The following FGFR2 variants were observed in gnomAD, a reference collection of about 807,000 sequenced individuals.
FGFR2 encodes BEK fibroblast growth factor receptor.
In FGFR2, 19 loss-of-function variants were observed where a neutral mutation model predicts 95.9. The ratio of observed to expected loss-of-function variants is 0.20; its 90% CI spans 0.14 to 0.29. The LOEUF is 0.29. Ranked by LOEUF, FGFR2 falls within the 10% of genes least tolerant of loss-of-function variation. The pLI is 1.00. For synonymous variants in FGFR2, 392 were observed against 393.3 expected (o/e 1.00, Z 0.04); for missense variants, 707 against 1,056.9 (o/e 0.67, Z 4.59).
chr10:121,487,951 AC>A (rs1263328104), intron 14 of FGFR2, 39 bp downstream of exon 14: 1 of 1,612,908 alleles, frequency 6.2e-7, no homozygotes, highest in South Asian at 1.1e-5. Flanking sequence ...TCTGAGCCTC[AC>A]CCCCGCCCCT....
intron 6 of FGFR2, among the ~76,000 whole-genome samples, chr10:121,524,746 C>T (rs981334552): frequency 1.3e-5 from 2 of 152,182 alleles, no homozygotes; most frequent in African/African-American, 2.4e-5. Context: ...AGAGTGGGGG[C>T]CCCCTTCGTG....
Position 121,508,071 on chromosome 10 carries a change from T to C in FGFR2, c.1288-4130A>G, listed in dbSNP as rs1589796133. ...TATATGAGAGGATGTACACAGTTCATATGCAAATACTACACCATTTTAAAT... is the reference window on the plus strand; with the variant it reads ...TATATGAGAGGATGTACACAGTTCACATGCAAATACTACACCATTTTAAAT... On this transcript the variant is annotated intron_variant, in intron 9 of 17. Transcript: ENST00000358487. 2.0e-5 allele frequency among the ~76,000 whole-genome samples: 3 copies of C among 152,356 alleles called. No homozygotes were observed. The South Asian group carries it at 6.2e-4, about 32-fold the overall frequency.
In FGFR2 at chr10:121,485,436, T is replaced by C. The variant is rs777780454; in HGVS notation, c.2154A>G (p.Glu718=). 9.9e-6 allele frequency: 16 copies of C among 1,614,134 alleles called. No homozygotes were observed. Among genetic ancestry groups the C allele is most frequent in the Non-Finnish European group, 1.3e-5 (15 of 1,180,014 alleles). The part of the protein sequence containing the change: ...PVEELFKLLK[E]GHRMDKPANC... ...TGGCTGGCTTATCCATTCTGTGTCCTTCCTTCAGCAGCTTAAAAAGTTCCT... is the reference window on the plus strand; with the variant it reads ...TGGCTGGCTTATCCATTCTGTGTCCCTCCTTCAGCAGCTTAAAAAGTTCCT... The change falls in exon 16 of 18, where the codon GAA becomes GAG. Residue 718 remains glutamate, a synonymous_variant. Transcript: ENST00000358487. This position sits in a 1 kb window ranked among gnomAD's most constrained non-coding sequence, Gnocchi z 4.2.
intron 2 of FGFR2, chr10:121,565,996 T>A (rs1857615536): frequency 3.9e-6 from 2 of 509,800 alleles, no homozygotes; most frequent in Admixed American, 6.4e-5. Flanking sequence ...AGAAAATGTT[T>A]AAATTGATTG....
chr10:121,511,930 C>T (rs967797097), intron 9 of FGFR2, among the ~76,000 whole-genome samples: 2 of 152,082 alleles, frequency 1.3e-5, no homozygotes, highest in Non-Finnish European at 2.9e-5. Context: ...TAATAAATGC[C>T]AAGAAGGAAA....
intron 6 of FGFR2, among the ~76,000 whole-genome samples, chr10:121,534,091 CT>C (rs1022674124): frequency 5.9e-3 from 539 of 92,070 alleles, no homozygotes; most frequent in Middle Eastern, 0.021. Context: ...CCCAAAATGG[CT>C]TTTTTTTTTT....
rs777039355 is a variant in FGFR2, at chr10:121,551,339, A to T, written c.575T>A (p.Leu192Gln). The change falls in exon 5 of 18, where the codon CTG becomes CAG. Residue 192 changes from leucine to glutamine, a missense_variant. Physicochemically the swap from Leu to Gln is moderately radical, Grantham distance 113 (BLOSUM62 -2). Coordinates refer to ENST00000358487, the MANE Select transcript of FGFR2 (RefSeq NM_000141.5). The part of the protein sequence containing the change: ...GGNPMPTMRW[L>Q]KNGKEFKQEH... ...CTGCTTAAACTCCTTCCCGTTTTTC[A>T]GCCACCGCATGGTTGGCATTGGGTT... 1 of 1,614,210 alleles carries T rather than the reference A, an allele frequency of 6.2e-7. No individual in the cohort carries two copies.
Position 121,591,009 on chromosome 10 carries a change from A to ACACG in FGFR2, c.109+2699_109+2700insCGTG, listed in dbSNP as rs568276960. Among the ~76,000 whole-genome samples the ACACG allele has an allele frequency of 6.3e-5, 9 of 142,618 alleles. No homozygotes were observed. In the South Asian group the frequency reaches 6.4e-4, roughly 10 times the overall value. The allele number at this position is 142,618 out of a possible 152,430, so 93.6% of individuals were successfully genotyped here. On this transcript the variant is annotated intron_variant, in intron 2 of 17. Coordinates refer to ENST00000358487, the MANE Select transcript of FGFR2 (RefSeq NM_000141.5). Reference sequence around the variant, plus strand: ...CTCGCGCACACACACACACACACGCACACTCTCTCTCTCTCTCTCTCTCTT... The same window carrying ACACG: ...CTCGCGCACACACACACACACACGCACACGCACTCTCTCTCTCTCTCTCTCTCTT...
chr10:121,509,016 G>C (rs1848676675), intron 9 of FGFR2, among the ~76,000 whole-genome samples: 1 of 152,182 alleles, frequency 6.6e-6, no homozygotes, highest in Non-Finnish European at 1.5e-5. Flanking sequence ...TCTTTCCTCT[G>C]AATCAGGAAC....
intron 17 of FGFR2, among the ~76,000 whole-genome samples, chr10:121,483,330 C>G (rs1437091793): frequency 6.6e-6 from 1 of 152,128 alleles, no homozygotes; most frequent in African/African-American, 2.4e-5. Flanking sequence ...CACTAATGAC[C>G]AAAGCACAGA....
intron 5 of FGFR2, among the ~76,000 whole-genome samples, chr10:121,545,636 T>C (rs1241686591): frequency 6.6e-6 from 1 of 152,190 alleles, no homozygotes; most frequent in East Asian, 1.9e-4. Flanking sequence ...CTCCATAAAG[T>C]ATAAACATGC....
Position 121,538,665 on chromosome 10 carries a change from G to C in FGFR2, c.675C>G (p.Asp225Glu), listed in dbSNP as rs537758598. ...CCACTACACAGGTATAATTTCCCTTGTCAGATGGGACCACACTTTCCATAA... is the reference window on the plus strand; with the variant it reads ...CCACTACACAGGTATAATTTCCCTTCTCAGATGGGACCACACTTTCCATAA... ...SLIMESVVPS[D>E]KGNYTCVVEN... Residue 225 changes from aspartate (D) to glutamate (E), a missense_variant, in exon 6 of 18, where the codon GAC becomes GAG. Transcript: ENST00000358487. The C allele has an allele frequency of 6.2e-7, 1 of 1,614,136 alleles. No individual in the cohort carries two copies. Among genetic ancestry groups the C allele is most frequent in the Admixed American group, 1.7e-5 (1 of 60,024 alleles).
chr10:121,590,552 T>C (rs1052733821), intron 2 of FGFR2, among the ~76,000 whole-genome samples: 1 of 152,178 alleles, frequency 6.6e-6, no homozygotes, highest in Non-Finnish European at 1.5e-5. Flanking sequence ...ATCTGAAATA[T>C]TAAAAACTAA....
intron 2 of FGFR2, among the ~76,000 whole-genome samples, chr10:121,580,177 T>C (rs572384043): frequency 6.6e-6 from 1 of 152,214 alleles, no homozygotes; most frequent in Non-Finnish European, 1.5e-5. Context: ...AAAGGGAAGG[T>C]TAAGAGTTAT....
Position 121,517,169 on chromosome 10 carries a change from T to C in FGFR2, c.1084+150A>G. On this transcript the variant is annotated intron_variant, in intron 8 of 17. Coordinates refer to ENST00000358487, the MANE Select transcript of FGFR2 (RefSeq NM_000141.5). The surrounding 1 kb of genome is among the most constrained non-coding windows in gnomAD (Gnocchi z 4.7). ...CACTGTGTGTGAATTTCCAAGGCAGTTTTCTTATCCCTGAGGGATCATTTT... is the reference window on the plus strand; with the variant it reads ...CACTGTGTGTGAATTTCCAAGGCAGCTTTCTTATCCCTGAGGGATCATTTT... 2.3e-6 allele frequency: 2 copies of C among 871,868 alleles called. No individual in the cohort carries two copies. Among genetic ancestry groups the C allele is most frequent in the Non-Finnish European group, 3.7e-6 (2 of 542,328 alleles). 54.0% of individuals were successfully genotyped at this position (871,868 alleles called of 1,614,324 possible). A position where few individuals can be genotyped will look rare whatever the true frequency, so the allele number is the denominator to read the frequency against.
chr10:121,551,560 T>G, intron 4 of FGFR2, 101 bp from the exon 5 acceptor site: 7 of 1,069,186 alleles, frequency 6.5e-6, no homozygotes, highest in Non-Finnish European at 9.7e-6. Flanking sequence ...ATGTAAATGC[T>G]AGGCTATTTT....
At chr10:121,500,743 T>TA (rs1349673464) in intron 11 of FGFR2, 83 bp downstream of exon 11, 25 of 1,575,716 alleles carry the variant, frequency 1.6e-5, no homozygotes, top group Non-Finnish European at 2.0e-5. Flanking sequence ...CGTGCCATGA[T>TA]AGAGTTCACA....
At chr10:121,565,734 G>T (rs1487993379) in intron 2 of FGFR2, 30 bp from the exon 3 acceptor site, 1 of 1,613,882 alleles carries the variant, frequency 6.2e-7, no homozygotes, top group African/African-American at 1.3e-5. Context: ...AGAAGACGGA[G>T]ACAGATGGGA....
At chr10:121,559,470 G>A (rs1476324551) in intron 4 of FGFR2, among the ~76,000 whole-genome samples, 2 of 152,184 alleles carry the variant, frequency 1.3e-5, no homozygotes, top group African/African-American at 2.4e-5. Context: ...AATCTCAGCC[G>A]CCCCAGGCTG....
Sources: allele counts gnomAD v4.1 joint callset (sites outside exome capture counted in the v4.1 genomes callset), GRCh38; gene constraint gnomAD v4.1.1; non-coding constraint Gnocchi (gnomAD v3.1); transcripts MANE v1.5; gene names NCBI Gene and HGNC (gene_info 2026-07-23, HGNC 2026-07-21).